The following UPP2 variants were observed in gnomAD, a reference collection of about 807,000 sequenced individuals.
UPP2 encodes the protein uridine phosphorylase 2.
A neutral mutation model predicts 26.7 loss-of-function variants in UPP2; 23 were observed. That is an observed-to-expected ratio of 0.86 (90% CI 0.62 to 1.22). The LOEUF (loss-of-function observed/expected upper bound fraction) is 1.22, where lower values mean the gene tolerates loss of function less well. UPP2 is among the 50% of genes most tolerant of loss of function. UPP2 has a pLI of 0.00. For missense variants in UPP2, 387 were observed against 396.7 expected (o/e 0.98, Z 0.21); for synonymous variants, 127 against 141.3 (o/e 0.90, Z 0.72).
Position 158,115,267 on chromosome 2 carries a change from T to C in UPP2, c.339+8T>C, listed in dbSNP as rs1203990427. The C allele has an allele frequency of 4.4e-6, 7 of 1,590,960 alleles. No homozygotes were observed. Among genetic ancestry groups the C allele is most frequent in the Non-Finnish European group, 6.0e-6 (7 of 1,169,250 alleles). On this transcript the variant is annotated splice_region_variant and intron_variant, in intron 3 of 6. Transcript: ENST00000005756. ...CCTGTGCTCGCCATCAGTGTAAGTA[T>C]CCATGGTTGCATTTCAGCTAGTCAT...
chr2:158,058,650 C>A (rs1682301883), intron 3 of UPP2, among the ~76,000 whole-genome samples: 1 of 152,082 alleles, frequency 6.6e-6, no homozygotes, highest in African/African-American at 2.4e-5. Flanking sequence ...ACAGCCCTAG[C>A]AGACTAATAC....
rs80126334 is a variant in UPP2 at position 158,127,913 on chromosome 2, A to G, written c.811+4018A>G. The G allele has an allele frequency of 2.5e-3, 1,930 of 786,858 alleles. 42 individuals carry two copies. The African/African-American group carries it at 0.034, about 14-fold the overall frequency. 48.7% of individuals were successfully genotyped at this position (786,858 alleles called of 1,614,324 possible). ...GGAAGCACTGTGCAATGCTCAATAA[A>G]TGCATTCTCCTATCACTTTATAATA... On this transcript the variant is annotated intron_variant, in intron 6 of 6. Coordinates refer to ENST00000005756, the MANE Select transcript of UPP2 (RefSeq NM_173355.4).
At position 158,117,942 on chromosome 2, in the gene UPP2, A is replaced by T. The variant is rs768537782; in HGVS notation, c.454+4A>T. ...ATCGGTACATCAGGGGGAATAGGTG[A>T]GACGGATTGATGTCTACTATTAGAA... On this transcript the variant is annotated splice_donor_region_variant and intron_variant, in intron 4 of 6. Transcript: ENST00000005756. 6.3e-7 allele frequency: 1 copy of T among 1,597,988 alleles called. No homozygotes were observed. The highest frequency in any genetic ancestry group is 8.6e-7 in the Non-Finnish European group (1 of 1,165,060).
At chr2:158,117,132 T>C (rs185802800) in intron 3 of UPP2, among the ~76,000 whole-genome samples, 3 of 152,150 alleles carry the variant, frequency 2.0e-5, no homozygotes, top group East Asian at 1.9e-4. Flanking sequence ...AGGATGTTTC[T>C]GGAGAGTTAT....
Position 158,115,131 on chromosome 2 carries a change from AT to A in UPP2, c.212del (p.Met71ArgfsTer21), listed in dbSNP as rs780485674. On this transcript the variant is annotated frameshift_variant, in exon 3 of 7. Coordinates refer to ENST00000005756, the MANE Select transcript of UPP2 (RefSeq NM_173355.4). LOFTEE classifies it high-confidence loss of function. ...FVCVGGSPNR[M>X]KAFALFMHKE... ...CTGTGTCGGTGGGAGCCCCAACAGA[AT>A]GAAAGCATTTGCACTGTTTATGCAC... 6.2e-7 allele frequency: 1 copy of A among 1,612,062 alleles called. No homozygotes were observed. The highest frequency in any genetic ancestry group is 1.1e-5 in the South Asian group (1 of 90,826).
chr2:158,104,845 C>A (rs973548861), intron 1 of UPP2, among the ~76,000 whole-genome samples: 1 of 150,154 alleles, frequency 6.7e-6, no homozygotes, highest in South Asian at 2.1e-4. Flanking sequence ...TCGCTTGAAC[C>A]AGGAGGCGGA....
intron 3 of UPP2, among the ~76,000 whole-genome samples, chr2:158,061,583 GT>G (rs2105179225): frequency 6.6e-6 from 1 of 152,302 alleles, no homozygotes; most frequent in Non-Finnish European, 1.5e-5. Context: ...CCTTCAGGGG[GT>G]TAGGGATATG....
At chr2:158,117,093 A>C (rs73966261) in intron 3 of UPP2, among the ~76,000 whole-genome samples, 7,972 of 152,110 alleles carry the variant, frequency 0.052, 626 homozygotes, top group African/African-American at 0.17. Context: ...TTTTGAAATC[A>C]GTTCCAGTTT....
chr2:158,079,551 T>C (rs889233951), intron 3 of UPP2, among the ~76,000 whole-genome samples: 2 of 152,186 alleles, frequency 1.3e-5, no homozygotes, highest in African/African-American at 2.4e-5. Context: ...AGGTAGCACC[T>C]GTCATCATTA....
intron 3 of UPP2, among the ~76,000 whole-genome samples, chr2:158,031,014 G>A (rs932136489): frequency 2.0e-5 from 3 of 152,044 alleles, no homozygotes; most frequent in Non-Finnish European, 4.4e-5. Context: ...CATTAGATGA[G>A]TTGTGTTATT....
rs980918815 is a variant in UPP2 at position 158,063,459 on chromosome 2, G to A, written c.148-38581G>A. On this transcript the variant is annotated intron_variant, in intron 3 of 9. Transcript: ENST00000605860. ...TCTGAAAAACCAGGAGCCGCTCACT[G>A]CATGGTAGAGTCTGGTGTTCCCACT... Among the ~76,000 whole-genome samples, 9 of 152,298 alleles carry A rather than the reference G, an allele frequency of 5.9e-5. No homozygotes were observed. The East Asian group carries it at 1.7e-3, about 29-fold the overall frequency.
chr2:158,054,610 G>C (rs559702792), intron 3 of UPP2, among the ~76,000 whole-genome samples: 1 of 152,116 alleles, frequency 6.6e-6, no homozygotes, highest in African/African-American at 2.4e-5. Flanking sequence ...TGACTTTTGA[G>C]AATCTGGTGT....
At chr2:158,031,508 G>A (rs1255155599) in intron 3 of UPP2, among the ~76,000 whole-genome samples, 5 of 152,192 alleles carry the variant, frequency 3.3e-5, no homozygotes, top group Non-Finnish European at 1.5e-5. Context: ...GCTTAGGGAT[G>A]GGTGAGGAGT....
intron 1 of UPP2, among the ~76,000 whole-genome samples, chr2:158,105,339 G>A (rs533684649): frequency 5.3e-4 from 80 of 152,292 alleles, no homozygotes; most frequent in African/African-American, 1.8e-3. Flanking sequence ...TAGCACTGCC[G>A]TGATGGGGGT....
At chr2:158,129,644 T>C (rs977022530) in intron 6 of UPP2, among the ~76,000 whole-genome samples, 2 of 151,006 alleles carry the variant, frequency 1.3e-5, no homozygotes, top group Non-Finnish European at 2.9e-5. Flanking sequence ...GTACTGCCTC[T>C]ATTTAAAAAA....
upstream of UPP2, among the ~76,000 whole-genome samples, chr2:158,101,600 G>C (rs1461224933): frequency 6.6e-6 from 1 of 152,230 alleles, no homozygotes; most frequent in African/African-American, 2.4e-5. Flanking sequence ...ACACAGTTTT[G>C]AGAAGACCTG....
chr2:158,049,942 T>C (rs1682121684), intron 3 of UPP2, among the ~76,000 whole-genome samples: 1 of 152,222 alleles, frequency 6.6e-6, no homozygotes. Flanking sequence ...CTTGAACCAA[T>C]AGGCCCCATT....
At chr2:158,107,563 C>T (rs901770990) in intron 2 of UPP2, among the ~76,000 whole-genome samples, 3 of 151,914 alleles carry the variant, frequency 2.0e-5, no homozygotes, top group African/African-American at 7.3e-5. Context: ...AGCTCTTTCA[C>T]TTACCCAGTG....
At chr2:158,130,832 C>T (rs1683802941) in intron 6 of UPP2, among the ~76,000 whole-genome samples, 1 of 152,188 alleles carries the variant, frequency 6.6e-6, no homozygotes, top group African/African-American at 2.4e-5. Context: ...CAACACCCAT[C>T]CCCAATTGTG....
Sources: gnomAD v4.1 joint callset for allele counts (sites outside exome capture counted in the v4.1 genomes callset) on GRCh38, gnomAD v4.1.1 for gene constraint, MANE v1.5 for transcripts, NCBI Gene and HGNC (gene_info 2026-07-23, HGNC 2026-07-21) for gene names.